Variants in CADM2 observed in about 807,000 individuals in gnomAD.
The protein encoded by CADM2 is cell adhesion molecule 2.
In CADM2, 12 loss-of-function variants were observed where a neutral mutation model predicts 49.8. That is an observed-to-expected ratio of 0.24 (90% CI 0.15 to 0.39). CADM2 has a LOEUF of 0.39. Among genes scored for constraint, CADM2 ranks in the 10% least tolerant of loss-of-function variants. The probability of loss-of-function intolerance (pLI) is 1.00; values close to 1 mark genes in which losing one functional copy is unlikely to be tolerated. For synonymous variants in CADM2, 214 were observed against 175.4 expected, an observed-to-expected ratio of 1.22 and a Z score of -1.74; for missense variants, 378 against 492.3, an observed-to-expected ratio of 0.77 and a Z score of 2.20.
chr3:85,613,255 A>T (rs2063721561), intron 1 of CADM2, among the ~76,000 whole-genome samples: 1 of 151,808 alleles, frequency 6.6e-6, no homozygotes. Context: ...AAAATAAAAG[A>T]TATATACAGG....
chr3:85,106,019 C>T (rs1454634372), intron 1 of CADM2, among the ~76,000 whole-genome samples: 2 of 152,028 alleles, frequency 1.3e-5, no homozygotes, highest in Non-Finnish European at 1.5e-5. Context: ...GGGTGCAGCA[C>T]ACCAGCATGG....
intron 1 of CADM2, among the ~76,000 whole-genome samples, chr3:85,301,938 T>C (rs767551786): frequency 6.6e-6 from 1 of 152,082 alleles, no homozygotes; most frequent in Non-Finnish European, 1.5e-5. Context: ...CTGAATTTTT[T>C]TGTATGCGTA....
chr3:85,156,560 G>C (rs982578190), intron 1 of CADM2, among the ~76,000 whole-genome samples: 1 of 152,158 alleles, frequency 6.6e-6, no homozygotes, highest in Non-Finnish European at 1.5e-5. Flanking sequence ...GGAGGAACTG[G>C]TACCATTCCT....
intron 1 of CADM2, among the ~76,000 whole-genome samples, chr3:85,693,162 T>A (rs1484714681): frequency 7.9e-5 from 12 of 151,438 alleles, no homozygotes. Flanking sequence ...GGCAGGAGAA[T>A]GGCATGAACC....
At chr3:85,793,015 A>C (rs570124591) in intron 2 of CADM2, among the ~76,000 whole-genome samples, 23 of 152,106 alleles carry the variant, frequency 1.5e-4, no homozygotes, top group African/African-American at 5.5e-4. Flanking sequence ...ACAGCTCTTA[A>C]CTAACTGAGG....
At chr3:85,232,066 C>T (rs912844569) in intron 1 of CADM2, among the ~76,000 whole-genome samples, 2 of 151,668 alleles carry the variant, frequency 1.3e-5, no homozygotes, top group African/African-American at 2.4e-5. Flanking sequence ...TAAAGGAGAA[C>T]ATCTAATCAG....
At chr3:85,468,917 G>A (rs73843628) in intron 1 of CADM2, among the ~76,000 whole-genome samples, 1,730 of 152,266 alleles carry the variant, frequency 0.011, 37 homozygotes, top group African/African-American at 0.039. Flanking sequence ...CCTATCCAGG[G>A]GCAAGAATGT....
chr3:86,013,138 G>C, intron 8 of CADM2: 1 of 1,339,586 alleles, frequency 7.5e-7, no homozygotes, highest in Non-Finnish European at 1.1e-6. Flanking sequence ...CACGTAAGTA[G>C]ACACAGAAAA....
chr3:85,018,045 A>C lies in CADM2; in HGVS notation c.61+58377A>C, dbSNP rs575471841. 9.5e-4 allele frequency among the ~76,000 whole-genome samples: 145 copies of C among 152,292 alleles called. 1 individual carries two copies. Among genetic ancestry groups the C allele is most frequent in the Middle Eastern group, 3.4e-3 (1 of 294 alleles). On this transcript the variant is annotated intron_variant, in intron 1 of 9. Coordinates refer to ENST00000383699, the MANE Select transcript of CADM2 (RefSeq NM_001167675.2). The stretch of plus-strand genomic sequence containing the variant: ...CTATCAGTTTTTTCAATTCCTAGTA[A>C]CCTTCTAGTTAGACAGAAATAGACA...
At chr3:85,361,739 G>A (rs1299608363) in intron 1 of CADM2, among the ~76,000 whole-genome samples, 6 of 152,058 alleles carry the variant, frequency 3.9e-5, no homozygotes, top group African/African-American at 1.4e-4. Flanking sequence ...AGAAAATCGA[G>A]ACCAGTCCAC....
At chr3:86,014,972 G>A (rs1732027456) in intron 8 of CADM2, 1 of 1,315,388 alleles carries the variant, frequency 7.6e-7, no homozygotes, top group African/African-American at 1.5e-5. Context: ...GGAACACTTT[G>A]ACAGACCAAA....
At chr3:85,336,632 A>G (rs2107173806) in intron 1 of CADM2, among the ~76,000 whole-genome samples, 1 of 151,122 alleles carries the variant, frequency 6.6e-6, no homozygotes, top group South Asian at 2.1e-4. Flanking sequence ...TATATTAAGC[A>G]ACTAATACCA....
intron 1 of CADM2, among the ~76,000 whole-genome samples, chr3:85,618,251 T>A (rs913719698): frequency 3.9e-5 from 6 of 152,088 alleles, no homozygotes; most frequent in Admixed American, 1.3e-4. Flanking sequence ...GAATTACTAA[T>A]CAGAGGTACC....
At chr3:85,470,478 T>C (rs545914814) in intron 1 of CADM2, among the ~76,000 whole-genome samples, 10 of 152,200 alleles carry the variant, frequency 6.6e-5, no homozygotes, top group Non-Finnish European at 1.5e-4. Flanking sequence ...CATAGGGTTT[T>C]ATTAGAGTGC....
chr3:85,797,105 GAAAAAGAAAAA>G (rs2071674855), intron 2 of CADM2, among the ~76,000 whole-genome samples: 1 of 140,342 alleles, frequency 7.1e-6, no homozygotes, highest in African/African-American at 2.6e-5. Context: ...AAAAAAAAAA[GAAAAAGAAAAA>G]AAAAAAGAAA....
chr3:85,726,553 G>C lies in CADM2; in HGVS notation c.88+5G>C. 2 of 1,610,330 alleles carry C rather than the reference G, an allele frequency of 1.2e-6. No homozygotes were observed. Among genetic ancestry groups the C allele is most frequent in the Non-Finnish European group, 1.7e-6 (2 of 1,177,150 alleles). On this transcript the variant is annotated splice_donor_5th_base_variant and intron_variant, in intron 2 of 9. Coordinates refer to ENST00000383699, the MANE Select transcript of CADM2 (RefSeq NM_001167675.2). ...CTTCAAAGAATAAAGTTAAAGGTGA[G>C]CTCCTGTTTATTCTGCATGAGTCAT...
At chr3:84,988,160 T>A (rs1039255842) in intron 1 of CADM2, among the ~76,000 whole-genome samples, 4 of 152,200 alleles carry the variant, frequency 2.6e-5, no homozygotes, top group Admixed American at 1.3e-4. Flanking sequence ...ACCCTGCCTG[T>A]TTTGGAGTGT....
At chr3:85,231,218 A>G (rs2042279156) in intron 1 of CADM2, among the ~76,000 whole-genome samples, 1 of 152,162 alleles carries the variant, frequency 6.6e-6, no homozygotes, top group Non-Finnish European at 1.5e-5. Flanking sequence ...TATTCAACCC[A>G]TAACACTGAG....
At chr3:85,920,913 G>A (rs1719017011) in intron 6 of CADM2, among the ~76,000 whole-genome samples, 1 of 151,362 alleles carries the variant, frequency 6.6e-6, no homozygotes, top group Non-Finnish European at 1.5e-5. Flanking sequence ...TCCTAATTAA[G>A]CTTATCATCA....
Sources: allele counts gnomAD v4.1 joint callset (sites outside exome capture counted in the v4.1 genomes callset), GRCh38; gene constraint gnomAD v4.1.1; transcripts MANE v1.5; gene names NCBI Gene and HGNC (gene_info 2026-07-23, HGNC 2026-07-21).